The following SPEF2 variants were observed in gnomAD, a reference collection of about 807,000 sequenced individuals.
SPEF2 encodes sperm flagella and cilia-associated protein 2.
Under a neutral mutation model 224.6 loss-of-function variants are expected in SPEF2, and 187 were observed. The observed-to-expected ratio is 0.83, with a 90% CI of 0.74 to 0.94. The LOEUF (loss-of-function observed/expected upper bound fraction) is 0.94. SPEF2 is among the 40% of genes least tolerant of loss of function. SPEF2 has a pLI of 0.00. For missense variants in SPEF2, 2,170 were observed against 2,135.6 expected (o/e 1.02, Z -0.32); for synonymous variants, 715 against 707.3 (o/e 1.01, Z -0.17).
intron 36 of SPEF2, among the ~76,000 whole-genome samples, chr5:35,810,215 C>A (rs936393612): frequency 6.6e-6 from 1 of 152,036 alleles, no homozygotes; most frequent in African/African-American, 2.4e-5. Flanking sequence ...AAGACTCCCC[C>A]ACTTTATTTT....
chr5:35,662,790 T>C (rs1749925396), intron 8 of SPEF2, among the ~76,000 whole-genome samples: 1 of 152,184 alleles, frequency 6.6e-6, no homozygotes. Context: ...GGTCTATGTG[T>C]CTGTTTTTGT....
At chr5:35,789,638 C>G (rs1366369833) in intron 30 of SPEF2, 2 of 629,090 alleles carry the variant, frequency 3.2e-6, no homozygotes, top group East Asian at 5.4e-5. Context: ...TCAGAGATGC[C>G]AGCCAAAATG....
At chr5:35,808,049 T>G (rs1758285011) in intron 36 of SPEF2, 3 of 1,111,840 alleles carry the variant, frequency 2.7e-6, no homozygotes, top group African/African-American at 3.2e-5. Flanking sequence ...AGAATGTAGA[T>G]TGTGTATCTT....
At chr5:35,658,123 G>T (rs1466327670) in intron 7 of SPEF2, among the ~76,000 whole-genome samples, 1 of 152,112 alleles carries the variant, frequency 6.6e-6, no homozygotes, top group African/African-American at 2.4e-5. Flanking sequence ...TGGGGACTTG[G>T]ATATTATCTT....
intron 7 of SPEF2, among the ~76,000 whole-genome samples, chr5:35,657,490 G>C (rs1026516888): frequency 6.7e-6 from 1 of 149,148 alleles, no homozygotes; most frequent in Non-Finnish European, 1.5e-5. Context: ...GAATGGAATC[G>C]GGGGGGTGGT....
intron 26 of SPEF2, among the ~76,000 whole-genome samples, chr5:35,766,706 C>A (rs1470111044): frequency 6.6e-6 from 1 of 151,622 alleles, no homozygotes; most frequent in Non-Finnish European, 1.5e-5. Context: ...CATTCTTTCC[C>A]TAGGGATTTG....
intron 5 of SPEF2, among the ~76,000 whole-genome samples, chr5:35,647,338 GGAGA>G (rs141186731): frequency 6.6e-6 from 1 of 150,700 alleles, no homozygotes; most frequent in Non-Finnish European, 1.5e-5. Context: ...GTGTAGGGAG[GGAGA>G]GAGAGAGAGA....
intron 2 of SPEF2, among the ~76,000 whole-genome samples, chr5:35,634,180 C>T (rs2149383991): frequency 6.6e-6 from 1 of 151,946 alleles, no homozygotes; most frequent in East Asian, 1.9e-4. Flanking sequence ...TTAAAGATTC[C>T]CTTTAGTATT....
chr5:35,763,574 C>T lies in SPEF2; in HGVS notation c.3673C>T (p.Pro1225Ser). 1 of 1,612,782 alleles carries T rather than the reference C, an allele frequency of 6.2e-7. No individual in the cohort carries two copies. Among genetic ancestry groups the T allele is most frequent in the Non-Finnish European group, 8.5e-7 (1 of 1,179,588 alleles). The stretch of plus-strand genomic sequence containing the variant: ...TTCTCTGGAAACAGTTACACCCAAA[C>T]CAAAAACAAAATCAGTACTGAAGGG... ...SISLETVTPKPKTKSVLKGKM... is the reference protein window; with the variant it reads ...SISLETVTPKSKTKSVLKGKM... Residue 1225 changes from proline (P) to serine (S), a missense_variant, in exon 26 of 37, where the codon CCA becomes TCA. By Grantham distance (74) the Pro-to-Ser change is moderately conservative. Transcript: ENST00000356031.
chr5:35,786,679 C>T (rs1447354350), intron 30 of SPEF2, among the ~76,000 whole-genome samples: 1 of 151,790 alleles, frequency 6.6e-6, no homozygotes, highest in African/African-American at 2.4e-5. Flanking sequence ...ACAAAAAAAG[C>T]AAAGGAGAAG....
chr5:35,700,706 A>C lies in SPEF2; in HGVS notation c.2352A>C (p.Leu784Phe), dbSNP rs1382720734. The change falls in exon 16 of 37, where the codon TTA (leucine) becomes TTC (phenylalanine). Residue 784 changes from leucine (L) to phenylalanine (F), a missense_variant. Coordinates refer to ENST00000356031, the MANE Select transcript of SPEF2 (RefSeq NM_024867.4). ...PSPAFDFVIL[L>F]DVSDTSSMSR... The stretch of plus-strand genomic sequence containing the variant: ...CTGCATTTGATTTTGTCATATTATT[A>C]GATGTTTCAGATACTTCCTCAATGA... The C allele has an allele frequency of 6.2e-7, 1 of 1,613,930 alleles. No homozygotes were observed. The highest frequency in any genetic ancestry group is 8.5e-7 in the Non-Finnish European group (1 of 1,179,886).
At chr5:35,680,523 A>G (rs1042494785) in intron 10 of SPEF2, among the ~76,000 whole-genome samples, 6 of 152,210 alleles carry the variant, frequency 3.9e-5, no homozygotes, top group African/African-American at 1.4e-4. Flanking sequence ...CTGATTCAAT[A>G]AATAGATATT....
At chr5:35,627,100 G>A (rs898663787) in intron 1 of SPEF2, among the ~76,000 whole-genome samples, 2 of 150,868 alleles carry the variant, frequency 1.3e-5, no homozygotes, top group Middle Eastern at 3.5e-3. Flanking sequence ...TATATTATAT[G>A]TTAACCTGAT....
intron 2 of SPEF2, among the ~76,000 whole-genome samples, chr5:35,632,326 A>G (rs984292799): frequency 1.3e-5 from 2 of 152,204 alleles, no homozygotes; most frequent in Non-Finnish European, 2.9e-5. Context: ...AAGCAAACAC[A>G]TCCTTTTTCA....
intron 8 of SPEF2, among the ~76,000 whole-genome samples, chr5:35,661,681 G>C (rs1009908680): frequency 6.6e-6 from 1 of 151,968 alleles, no homozygotes; most frequent in Non-Finnish European, 1.5e-5. Flanking sequence ...GCAGTATTTG[G>C]TTTTCTATTC....
In SPEF2 at chr5:35,715,816, C is replaced by CCTTTTTTTTTTTTTTTTTTTTTTTTTT. The variant is rs70973054; in HGVS notation, c.2914+2930_2914+2931insCTTTTTTTTTTTTTTTTTTTTTTTTTT. 1.6e-4 allele frequency among the ~76,000 whole-genome samples: 19 copies of CCTTTTTTTTTTTTTTTTTTTTTTTTTT among 117,936 alleles called. 8 individuals are homozygous for CCTTTTTTTTTTTTTTTTTTTTTTTTTT. Among genetic ancestry groups the CCTTTTTTTTTTTTTTTTTTTTTTTTTT allele is most frequent in the Admixed American group, 2.0e-4 (2 of 10,208 alleles). 77.4% of individuals were successfully genotyped at this position (117,936 alleles called of 152,430 possible). A position where few individuals can be genotyped will look rare whatever the true frequency, so the allele number is the denominator to read the frequency against. ...TCTGTGAAATAGGGGGATATAATTT[C>CCTTTTTTTTTTTTTTTTTTTTTTTTTT]TTTTTTTTTTTTTTTTTGAGACAGA... is the stretch of plus-strand genomic sequence containing the variant. On this transcript the variant is annotated intron_variant, in intron 20 of 36. Coordinates refer to ENST00000356031, the MANE Select transcript of SPEF2 (RefSeq NM_024867.4).
At chr5:35,681,288 A>G (rs1196429919) in intron 10 of SPEF2, among the ~76,000 whole-genome samples, 1 of 152,192 alleles carries the variant, frequency 6.6e-6, no homozygotes, top group Non-Finnish European at 1.5e-5. Flanking sequence ...AGATCTAATA[A>G]TACAAATAAG....
At chr5:35,793,471 C>T (rs918626505) in intron 32 of SPEF2, 130 bp downstream of exon 32, 12 of 853,900 alleles carry the variant, frequency 1.4e-5, no homozygotes, top group Non-Finnish European at 2.0e-5. Flanking sequence ...TGTCTAGGCA[C>T]CCAGAGGCAG....
chr5:35,807,907 C>G, intron 36 of SPEF2: 1 of 1,443,210 alleles, frequency 6.9e-7, no homozygotes, highest in East Asian at 2.5e-5. Context: ...CACCAACCCC[C>G]TTTCATACTG....
Sources: allele counts gnomAD v4.1 joint callset (sites outside exome capture counted in the v4.1 genomes callset), GRCh38; gene constraint gnomAD v4.1.1; transcripts MANE v1.5; gene names NCBI Gene and HGNC (gene_info 2026-07-23, HGNC 2026-07-21).